The following EPHB1 variants were observed in gnomAD, a reference collection of about 807,000 sequenced individuals.
EPHB1 encodes the protein ephrin type-B receptor 1.
In EPHB1, 30 loss-of-function variants were observed where a neutral mutation model predicts 94.4. That is an observed-to-expected ratio of 0.32 (90% CI 0.24 to 0.43). The LOEUF is 0.43. Ranked by LOEUF, EPHB1 falls within the 20% of genes least tolerant of loss-of-function variation. The pLI is 1.00. For missense variants in EPHB1, 1,055 were observed against 1,308.3 expected, an observed-to-expected ratio of 0.81 and a Z score of 2.99; for synonymous variants, 522 against 489.1, an observed-to-expected ratio of 1.07 and a Z score of -0.89.
intron 1 of EPHB1, among the ~76,000 whole-genome samples, chr3:134,846,798 C>T (rs1182151406): frequency 3.9e-5 from 6 of 152,222 alleles, no homozygotes; most frequent in East Asian, 3.9e-4. Flanking sequence ...GAGGTTGAAA[C>T]GGAAACCTCT....
At chr3:135,021,989 T>G (rs1051562573) in intron 3 of EPHB1, among the ~76,000 whole-genome samples, 7 of 152,216 alleles carry the variant, frequency 4.6e-5, no homozygotes, top group Admixed American at 3.3e-4. Flanking sequence ...TTTGTTTGTT[T>G]GTTTGTTTTA....
chr3:134,905,453 C>T (rs1204610322), intron 1 of EPHB1, among the ~76,000 whole-genome samples: 1 of 152,232 alleles, frequency 6.6e-6, no homozygotes, highest in African/African-American at 2.4e-5. Flanking sequence ...TTACTGACTG[C>T]CCAGCATTGC....
intron 4 of EPHB1, among the ~76,000 whole-genome samples, chr3:135,125,264 T>C (rs1176789678): frequency 6.6e-6 from 1 of 151,664 alleles, no homozygotes; most frequent in Non-Finnish European, 1.5e-5. Context: ...AGGGCAACTC[T>C]TGCACCACTG....
At chr3:135,111,929 C>A (rs1304510975) in intron 4 of EPHB1, among the ~76,000 whole-genome samples, 3 of 152,200 alleles carry the variant, frequency 2.0e-5, no homozygotes, top group Non-Finnish European at 4.4e-5. Context: ...CTGCCCGCCT[C>A]AGCCTCCCAA....
intron 2 of EPHB1, among the ~76,000 whole-genome samples, chr3:134,927,187 C>T (rs1414818539): frequency 6.6e-6 from 1 of 152,212 alleles, no homozygotes; most frequent in Non-Finnish European, 1.5e-5. Context: ...AGCACATCAT[C>T]ACCATGCCCT....
intron 1 of EPHB1, among the ~76,000 whole-genome samples, chr3:134,800,528 C>T (rs1473968786): frequency 1.3e-5 from 2 of 152,112 alleles, no homozygotes; most frequent in Non-Finnish European, 2.9e-5. Context: ...TGGGTCCTAA[C>T]CCTAAAAGCT....
chr3:134,843,383 GA>G, intron 1 of EPHB1, among the ~76,000 whole-genome samples: 1 of 152,256 alleles, frequency 6.6e-6, no homozygotes, highest in Middle Eastern at 3.4e-3. Context: ...ACCCTAGTTG[GA>G]GTTCATTGGG....
intron 3 of EPHB1, among the ~76,000 whole-genome samples, chr3:134,972,955 G>T (rs1469874508): frequency 6.6e-6 from 1 of 152,228 alleles, no homozygotes; most frequent in African/African-American, 2.4e-5. Context: ...TTGTGTTCCT[G>T]CACATCCCAG....
At chr3:134,799,083 A>G (rs2035886958) in intron 1 of EPHB1, among the ~76,000 whole-genome samples, 1 of 152,250 alleles carries the variant, frequency 6.6e-6, no homozygotes, top group Admixed American at 6.5e-5. Context: ...CCCAGTAGGC[A>G]TTGCTGATGC....
chr3:135,049,841 T>A (rs1318575755), intron 3 of EPHB1, among the ~76,000 whole-genome samples: 1 of 152,162 alleles, frequency 6.6e-6, no homozygotes, highest in African/African-American at 2.4e-5. Context: ...ACGCACAGCT[T>A]GTGGACTAAC....
At chr3:135,071,678 A>T (rs1330472315) in intron 3 of EPHB1, among the ~76,000 whole-genome samples, 3 of 152,176 alleles carry the variant, frequency 2.0e-5, no homozygotes, top group African/African-American at 7.2e-5. Flanking sequence ...GAAAAAACTC[A>T]TGGCTCTAAA....
chr3:135,176,580 T>C (rs1941984778), intron 9 of EPHB1, among the ~76,000 whole-genome samples: 1 of 152,170 alleles, frequency 6.6e-6, no homozygotes, highest in South Asian at 2.1e-4. Context: ...GCAGCACACC[T>C]CTCTTCGTCA....
At chr3:135,131,079 G>A (rs1481532681) in intron 4 of EPHB1, among the ~76,000 whole-genome samples, 1 of 152,210 alleles carries the variant, frequency 6.6e-6, no homozygotes, top group Non-Finnish European at 1.5e-5. Flanking sequence ...CTAGCTATGT[G>A]ATTATTTGAA....
intron 3 of EPHB1, among the ~76,000 whole-genome samples, chr3:134,984,569 AG>A (rs1227819689): frequency 1.4e-5 from 2 of 147,260 alleles, no homozygotes; most frequent in African/African-American, 5.0e-5. Flanking sequence ...TAGAGAGGGA[AG>A]GGCCCTCACC....
chr3:135,045,925 A>G (rs1422679948), intron 3 of EPHB1, among the ~76,000 whole-genome samples: 1 of 152,242 alleles, frequency 6.6e-6, no homozygotes, highest in Admixed American at 6.5e-5. Flanking sequence ...GAATATTCCC[A>G]ATTATCTGAA....
intron 2 of EPHB1, among the ~76,000 whole-genome samples, chr3:134,931,608 A>G (rs926618916): frequency 6.6e-6 from 1 of 152,202 alleles, no homozygotes; most frequent in African/African-American, 2.4e-5. Context: ...TCTTCACCAT[A>G]GGAAAGGGGA....
At chr3:134,995,359 T>C (rs999830600) in intron 3 of EPHB1, among the ~76,000 whole-genome samples, 18 of 152,362 alleles carry the variant, frequency 1.2e-4, no homozygotes, top group Non-Finnish European at 2.1e-4. Flanking sequence ...CATTCTATGG[T>C]ATGGATGTAC....
intron 11 of EPHB1, among the ~76,000 whole-genome samples, chr3:135,199,427 A>G (rs1407224237): frequency 6.6e-6 from 1 of 152,236 alleles, no homozygotes; most frequent in Non-Finnish European, 1.5e-5. Flanking sequence ...CTCACTGCAC[A>G]TCCAGCTCAC....
chr3:135,240,115 T>C (rs1330360520), intron 12 of EPHB1, among the ~76,000 whole-genome samples: 1 of 152,184 alleles, frequency 6.6e-6, no homozygotes, highest in Non-Finnish European at 1.5e-5. Context: ...CCTCTGGTTT[T>C]CAGAACACCT....
Sources: allele counts gnomAD v4.1 joint callset (sites outside exome capture counted in the v4.1 genomes callset), GRCh38; gene constraint gnomAD v4.1.1; transcripts MANE v1.5; gene names NCBI Gene and HGNC (gene_info 2026-07-23, HGNC 2026-07-21).